The following LRP1B variants were observed in gnomAD, a reference collection of about 807,000 sequenced individuals.
LRP1B encodes the protein low-density lipoprotein receptor-related protein 1B.
A neutral mutation model predicts 556.6 loss-of-function variants in LRP1B; 217 were observed. The observed-to-expected ratio is 0.39, with a 90% confidence interval of 0.35 to 0.44. The LOEUF is 0.44. Among genes scored for constraint, LRP1B ranks in the 20% least tolerant of loss-of-function variants. LRP1B has a pLI of 1.00. For missense variants in LRP1B, 5,053 were observed against 5,620.8 expected, an observed-to-expected ratio of 0.90 and a Z score of 3.23; for synonymous variants, 2,047 against 1,865.8, an observed-to-expected ratio of 1.10 and a Z score of -2.50.
intron 43 of LRP1B, among the ~76,000 whole-genome samples, chr2:140,576,122 T>C (rs1175870095): frequency 6.6e-6 from 1 of 152,132 alleles, no homozygotes; most frequent in African/African-American, 2.4e-5. Flanking sequence ...AGACGATCCA[T>C]GGAAATGCTT....
chr2:141,377,975 G>C (rs1689499856), intron 3 of LRP1B, among the ~76,000 whole-genome samples: 1 of 152,108 alleles, frequency 6.6e-6, no homozygotes, highest in Admixed American at 6.5e-5. Flanking sequence ...TGGCTTTGTT[G>C]CTTTGTTTTT....
At chr2:140,732,797 G>T (rs288114) in intron 35 of LRP1B, among the ~76,000 whole-genome samples, 136,867 of 152,156 alleles carry the variant, frequency 0.9, 61,967 homozygotes, top group Non-Finnish European at 0.96. Flanking sequence ...GAGTTTTTTA[G>T]AATGCATCCC....
intron 2 of LRP1B, among the ~76,000 whole-genome samples, chr2:141,781,967 A>G (rs556987058): frequency 6.6e-6 from 1 of 152,144 alleles, no homozygotes; most frequent in East Asian, 1.9e-4. Flanking sequence ...CTGAGCGACT[A>G]TTTTCTTTCA....
intron 3 of LRP1B, among the ~76,000 whole-genome samples, chr2:141,284,345 G>A (rs1007022240): frequency 6.6e-6 from 1 of 152,158 alleles, no homozygotes; most frequent in Non-Finnish European, 1.5e-5. Flanking sequence ...AAATTATAAT[G>A]ACTTGAATAA....
intron 1 of LRP1B, among the ~76,000 whole-genome samples, chr2:142,095,762 A>G (rs1706339501): frequency 6.6e-6 from 1 of 151,796 alleles, no homozygotes; most frequent in South Asian, 2.1e-4. Flanking sequence ...AATATATGCA[A>G]TGCTACATCT....
intron 1 of LRP1B, among the ~76,000 whole-genome samples, chr2:141,813,117 G>C (rs931492943): frequency 7.9e-5 from 12 of 151,980 alleles, no homozygotes; most frequent in Non-Finnish European, 1.8e-4. Flanking sequence ...ACATATTATT[G>C]AACTTCTACT....
intron 18 of LRP1B, among the ~76,000 whole-genome samples, chr2:140,969,006 G>T (rs939543023): frequency 2.0e-5 from 3 of 152,200 alleles, no homozygotes; most frequent in African/African-American, 7.2e-5. Flanking sequence ...TGTATGTTCT[G>T]TTGATTTGGG....
chr2:141,281,330 C>T (rs922460571), intron 3 of LRP1B, among the ~76,000 whole-genome samples: 9 of 151,910 alleles, frequency 5.9e-5, no homozygotes, highest in Middle Eastern at 3.4e-3. Flanking sequence ...GTAGGTATCC[C>T]ACCTGGGCCT....
chr2:142,062,923 C>T (rs1704975286), intron 1 of LRP1B, among the ~76,000 whole-genome samples: 1 of 151,146 alleles, frequency 6.6e-6, no homozygotes, highest in Admixed American at 6.6e-5. Context: ...TCATTATGTT[C>T]AATAAGTATT....
At chr2:141,629,714 T>C (rs1688839593) in intron 2 of LRP1B, among the ~76,000 whole-genome samples, 1 of 152,180 alleles carries the variant, frequency 6.6e-6, no homozygotes, top group Non-Finnish European at 1.5e-5. Context: ...AATGTAACTT[T>C]GGGTTGTTTA....
At chr2:140,711,859 G>T (rs1223294893) in intron 37 of LRP1B, among the ~76,000 whole-genome samples, 1 of 152,060 alleles carries the variant, frequency 6.6e-6, no homozygotes, top group African/African-American at 2.4e-5. Context: ...TCCCCGAAGG[G>T]GAAGAGAACT....
intron 2 of LRP1B, among the ~76,000 whole-genome samples, chr2:141,623,737 C>A (rs1436745183): frequency 1.8e-4 from 2 of 10,954 alleles, no homozygotes; most frequent in African/African-American, 3.3e-4. Flanking sequence ...AAGATTAGGG[C>A]CAAGCGGGGT....
At chr2:141,881,398 AT>A (rs1289326904) in intron 1 of LRP1B, among the ~76,000 whole-genome samples, 2 of 152,100 alleles carry the variant, frequency 1.3e-5, no homozygotes, top group Admixed American at 6.6e-5. Flanking sequence ...TTAGATAAGG[AT>A]TTGACTTGGA....
At chr2:140,391,852 A>T (rs1684035848) in intron 66 of LRP1B, among the ~76,000 whole-genome samples, 1 of 152,148 alleles carries the variant, frequency 6.6e-6, no homozygotes, top group Non-Finnish European at 1.5e-5. Flanking sequence ...TTCATAATTA[A>T]AATGAAACAG....
rs541021281 is a variant in LRP1B at position 140,755,355 on chromosome 2, A to T, written c.5758+13858T>A. ...TTACCCTGATAGCAAAGCCAATGAT[A>T]CCATAAGAAAGAAAAATACTGACCA... On this transcript the variant is annotated intron_variant, in intron 35 of 90. Coordinates refer to ENST00000389484, the MANE Select transcript of LRP1B (RefSeq NM_018557.3). 1.7e-4 allele frequency among the ~76,000 whole-genome samples: 26 copies of T among 152,162 alleles called. 1 individual carries two copies. Among genetic ancestry groups the T allele is most frequent in the African/African-American group, 5.8e-4 (24 of 41,564 alleles).
Position 140,812,517 on chromosome 2 carries a change from T to G in LRP1B, c.5359+1140A>C, listed in dbSNP as rs529620688. On this transcript the variant is annotated intron_variant, in intron 32 of 90. Transcript: ENST00000389484. Reference sequence around the variant, plus strand: ...AAATATTTTTTATCTAGAAAATGAATTTCCAAATCTGTCTCAATTAACAAC... The same window carrying G: ...AAATATTTTTTATCTAGAAAATGAAGTTCCAAATCTGTCTCAATTAACAAC... 2.6e-5 allele frequency among the ~76,000 whole-genome samples: 4 copies of G among 152,090 alleles called. No homozygotes were observed. The South Asian group carries it at 8.3e-4, about 32-fold the overall frequency.
chr2:141,981,653 A>T (rs1306622241), intron 1 of LRP1B, among the ~76,000 whole-genome samples: 2 of 152,138 alleles, frequency 1.3e-5, no homozygotes, highest in Admixed American at 6.5e-5. Flanking sequence ...ACAAGTATGG[A>T]AGCATGGAGA....
intron 49 of LRP1B, among the ~76,000 whole-genome samples, chr2:140,517,405 T>C (rs907245958): frequency 6.6e-6 from 1 of 152,124 alleles, no homozygotes; most frequent in African/African-American, 2.4e-5. Context: ...TAATTCCATA[T>C]TCATAGCACA....
In LRP1B at chr2:140,356,431, T is replaced by C. The variant is rs769307286; in HGVS notation, c.11441A>G (p.Asp3814Gly). The C allele has an allele frequency of 6.2e-6, 10 of 1,608,174 alleles. No homozygotes were observed. In the Admixed American group the frequency reaches 6.7e-5, roughly 11 times the overall value. ...TTTTATTTGATTACAATATGCATCA[T>C]CTCCACATGGATTCACATTATCTTC... Reference protein sequence around the residue: ...TCEDNVNPCGDDAYCNQIKTS... With the variant: ...TCEDNVNPCGGDAYCNQIKTS... The change falls in exon 75 of 91, where the codon GAT (aspartate) becomes GGT (glycine). Residue 3814 changes from aspartate (D) to glycine (G), a missense_variant. Asp to Gly is a moderately conservative substitution (Grantham distance 94). This residue lies in a region of LRP1B where 599 missense variants were observed against 648.4 expected (regional missense o/e 0.92). Transcript: ENST00000389484.
Sources: allele counts gnomAD v4.1 joint callset (sites outside exome capture counted in the v4.1 genomes callset), GRCh38; gene constraint gnomAD v4.1.1; regional missense constraint gnomAD v4.1.1; transcripts MANE v1.5; gene names NCBI Gene and HGNC (gene_info 2026-07-23, HGNC 2026-07-21).